The following EXOC4 variants were observed in gnomAD, a reference collection of about 807,000 sequenced individuals.
EXOC4 encodes exocyst complex component 4, also known as SEC8-like 1.
A neutral mutation model predicts 107.2 loss-of-function variants in EXOC4; 71 were observed. The ratio of observed to expected loss-of-function variants is 0.66; its 90% CI spans 0.55 to 0.81. The LOEUF is 0.81. EXOC4 is among the 30% of genes least tolerant of loss of function. The pLI, the probability that EXOC4 is intolerant of heterozygous loss-of-function variation, is 0.00. For missense variants in EXOC4, 1,108 were observed against 1,189.6 expected (o/e 0.93, Z 1.01); for synonymous variants, 456 against 441.2 (o/e 1.03, Z -0.42).
intron 7 of EXOC4, among the ~76,000 whole-genome samples, chr7:133,383,491 C>A (rs1001714461): frequency 8.5e-5 from 13 of 152,048 alleles, no homozygotes; most frequent in Non-Finnish European, 1.6e-4. Flanking sequence ...AATGTAAAAT[C>A]GTTTTACTTT....
At chr7:133,287,762 T>C (rs1006134003) in intron 2 of EXOC4, among the ~76,000 whole-genome samples, 2 of 152,244 alleles carry the variant, frequency 1.3e-5, no homozygotes, top group Non-Finnish European at 2.9e-5. Context: ...AATCTTAGCA[T>C]TTTGTCCTCA....
At chr7:133,594,861 A>C (rs1297605363) in intron 9 of EXOC4, among the ~76,000 whole-genome samples, 1 of 152,174 alleles carries the variant, frequency 6.6e-6, no homozygotes, top group Non-Finnish European at 1.5e-5. Context: ...AAATAAATTA[A>C]TAAGCAGATC....
intron 10 of EXOC4, among the ~76,000 whole-genome samples, chr7:133,788,821 G>A (rs1313224111): frequency 2.6e-5 from 4 of 151,944 alleles, no homozygotes. Flanking sequence ...TACCCTACAT[G>A]CAATAGGCCC....
rs141277033 is a variant in EXOC4 at position 133,877,481 on chromosome 7, A to C, written c.1735-18118A>C. On this transcript the variant is annotated intron_variant, in intron 11 of 17. Coordinates refer to ENST00000253861, the MANE Select transcript of EXOC4 (RefSeq NM_021807.4). ...ACCTTGCTTCTAGGCTTTATCAGAC[A>C]GGTCCAGAGTAGCTTTTACTCTAAG... Among the ~76,000 whole-genome samples, 296 of 152,310 alleles carry C rather than the reference A, an allele frequency of 1.9e-3. 2 individuals carry two copies. The highest frequency in any genetic ancestry group is 6.7e-3 in the African/African-American group (279 of 41,568).
intron 5 of EXOC4, among the ~76,000 whole-genome samples, chr7:133,354,554 T>C (rs1260606775): frequency 6.6e-6 from 1 of 151,988 alleles, no homozygotes; most frequent in African/African-American, 2.4e-5. Flanking sequence ...ACTGGCTGTT[T>C]AACTTCCCTG....
chr7:134,001,828 G>A (rs1417394843), intron 15 of EXOC4, among the ~76,000 whole-genome samples: 1 of 152,220 alleles, frequency 6.6e-6, no homozygotes, highest in Non-Finnish European at 1.5e-5. Flanking sequence ...TGTAATGTGG[G>A]ATCTGTGTGC....
At chr7:134,048,660 C>T (rs527310561) in intron 17 of EXOC4, among the ~76,000 whole-genome samples, 8 of 152,120 alleles carry the variant, frequency 5.3e-5, no homozygotes, top group Non-Finnish European at 8.8e-5. Context: ...TTTCAGCCAC[C>T]GGCCTCATCT....
At chr7:134,078,264 A>T in the EXOC4 span, among the ~76,000 whole-genome samples, 1 of 152,124 alleles carries the variant, frequency 6.6e-6, no homozygotes, top group Non-Finnish European at 1.5e-5. Context: ...TACTCACAGG[A>T]AAGCTTCTAT....
At chr7:134,058,241 A>ATT (rs1283519256) in intron 17 of EXOC4, among the ~76,000 whole-genome samples, 1 of 152,116 alleles carries the variant, frequency 6.6e-6, no homozygotes, top group Admixed American at 6.5e-5. Context: ...ATTCAGCTCA[A>ATT]TTTTTCTCCC....
intron 14 of EXOC4, among the ~76,000 whole-genome samples, chr7:133,952,879 A>G (rs1369217729): frequency 6.6e-6 from 1 of 152,072 alleles, no homozygotes; most frequent in Non-Finnish European, 1.5e-5. Context: ...ACCACACTTT[A>G]TTTCTCCATT....
intron 10 of EXOC4, among the ~76,000 whole-genome samples, chr7:133,632,812 GTGTAGATATGTTT>G (rs1384542575): frequency 0.021 from 3,195 of 152,176 alleles, 118 homozygotes; most frequent in African/African-American, 0.073. Flanking sequence ...AAATAAAATT[GTGTAGATATGTTT>G]TCTATTCTTT....
chr7:133,881,275 C>T (rs1403564297), intron 11 of EXOC4, among the ~76,000 whole-genome samples: 1 of 150,770 alleles, frequency 6.6e-6, no homozygotes, highest in Non-Finnish European at 1.5e-5. Flanking sequence ...CCCCCAACCC[C>T]ACTCCCCCAC....
chr7:133,706,725 C>T (rs1256248919), intron 10 of EXOC4, among the ~76,000 whole-genome samples: 3 of 152,130 alleles, frequency 2.0e-5, no homozygotes. Flanking sequence ...TAGAGCACAC[C>T]TCCATTTGGA....
At chr7:133,699,140 A>T (rs1794601999) in intron 10 of EXOC4, among the ~76,000 whole-genome samples, 1 of 152,132 alleles carries the variant, frequency 6.6e-6, no homozygotes, top group African/African-American at 2.4e-5. Context: ...TTTAATTTAG[A>T]GTGTTTAAAA....
downstream of EXOC4, among the ~76,000 whole-genome samples, chr7:134,068,133 T>G (rs1032852525): frequency 6.6e-6 from 1 of 152,206 alleles, no homozygotes; most frequent in Non-Finnish European, 1.5e-5. Flanking sequence ...CCCATCCTCT[T>G]GAAACTCTTG....
intron 11 of EXOC4, among the ~76,000 whole-genome samples, chr7:133,855,087 A>ATC (rs1284360583): frequency 2.6e-3 from 141 of 53,478 alleles, no homozygotes; most frequent in East Asian, 3.7e-3. Flanking sequence ...ATCTAAATAT[A>ATC]TATAAATATA....
chr7:133,584,073 A>G (rs1353560357), intron 9 of EXOC4, among the ~76,000 whole-genome samples: 2 of 152,180 alleles, frequency 1.3e-5, no homozygotes, highest in Non-Finnish European at 2.9e-5. Flanking sequence ...CTTTGGTGGA[A>G]GAAGGGCAGG....
chr7:133,731,506 A>G (rs1795325494), intron 10 of EXOC4, among the ~76,000 whole-genome samples: 1 of 152,174 alleles, frequency 6.6e-6, no homozygotes, highest in African/African-American at 2.4e-5. Context: ...TTCTAGAACT[A>G]CTACTGTGAT....
intron 10 of EXOC4, among the ~76,000 whole-genome samples, chr7:133,669,520 C>A (rs943654996): frequency 2.0e-5 from 3 of 152,178 alleles, no homozygotes; most frequent in African/African-American, 7.2e-5. Flanking sequence ...AGAATGGAAA[C>A]TTTTTAATTT....
Sources: gnomAD v4.1 joint callset for allele counts (sites outside exome capture counted in the v4.1 genomes callset) on GRCh38, gnomAD v4.1.1 for gene constraint, MANE v1.5 for transcripts, NCBI Gene and HGNC (gene_info 2026-07-23, HGNC 2026-07-21) for gene names.